FAP: variants seen among roughly 807,000 people sequenced by gnomAD.
The protein encoded by FAP is fibroblast activation protein alpha.
In FAP, 110 loss-of-function variants were observed where a neutral mutation model predicts 126.5. The observed-to-expected ratio is 0.87, with a 90% CI of 0.74 to 1.02. The LOEUF is 1.02. Among genes scored for constraint, FAP ranks in the 50% least tolerant of loss-of-function variants. FAP has a pLI of 0.00. For missense variants in FAP, 919 were observed against 909.2 expected (o/e 1.01, Z -0.14); for synonymous variants, 334 against 297.3 (o/e 1.12, Z -1.27).
chr2:162,180,908 G>A (rs933133196), intron 21 of FAP, among the ~76,000 whole-genome samples: 3 of 152,058 alleles, frequency 2.0e-5, no homozygotes, highest in African/African-American at 7.2e-5. Context: ...GACACCACAA[G>A]GGTTTGCCGA....
Position 162,194,709 on chromosome 2 carries a change from G to C in FAP, c.1442C>G (p.Thr481Ser). 6.2e-7 allele frequency: 1 copy of C among 1,613,580 alleles called. No homozygotes were observed. The highest frequency in any genetic ancestry group is 8.5e-7 in the Non-Finnish European group (1 of 1,179,614). The change falls in exon 17 of 26, where the codon ACT (threonine) becomes AGT (serine). Residue 481 changes from threonine to serine, a missense_variant. By Grantham distance (58) the Thr-to-Ser change is moderately conservative. Coordinates refer to ENST00000188790, the MANE Select transcript of FAP (RefSeq NM_004460.5). ...IPISTLHDGR[T>S]DQEIKILEEN... is the part of the protein sequence containing the mutation. ...CATGCAAGAGAGAGTACCTTGATCAGTGCGTCCATCATGAAGGGTGGAAAT... is the reference window on the plus strand; with the variant it reads ...CATGCAAGAGAGAGTACCTTGATCACTGCGTCCATCATGAAGGGTGGAAAT...
In FAP at chr2:162,198,764, G is replaced by A; in HGVS notation, c.1395C>T (p.Val465=). The A allele has an allele frequency of 6.2e-7, 1 of 1,614,104 alleles. No homozygotes were observed. The highest frequency in any genetic ancestry group is 8.5e-7 in the Non-Finnish European group (1 of 1,179,952). Residue 465 remains valine (V), a synonymous_variant, in exon 16 of 26, where the codon GTC becomes GTT. Transcript: ENST00000188790. ...FSDYAKYYAL[V]CYGPGIPIST... is the part of the protein sequence containing the mutation. The stretch of plus-strand genomic sequence containing the variant: ...GTGAGGTCCGTTACCTACCGTAGCA[G>A]ACAAGTGCATAGTACTTGGCGTAGT...
At chr2:162,214,642 G>A (rs931051889) in intron 10 of FAP, among the ~76,000 whole-genome samples, 1 of 150,292 alleles carries the variant, frequency 6.7e-6, no homozygotes, top group Admixed American at 6.7e-5. Context: ...ATGATTCCAT[G>A]ACTCTGAGCA....
chr2:162,220,771 C>A (rs550782799), intron 6 of FAP, among the ~76,000 whole-genome samples: 16 of 152,296 alleles, frequency 1.1e-4, no homozygotes, highest in Non-Finnish European at 2.1e-4. Context: ...TGCATTCAGA[C>A]TTTTATAAGT....
chr2:162,239,384 C>T (rs915352395), intron 2 of FAP, among the ~76,000 whole-genome samples: 5 of 152,136 alleles, frequency 3.3e-5, no homozygotes, highest in African/African-American at 1.2e-4. Context: ...CATTCCTCCA[C>T]CCTTCAGCTT....
At chr2:162,180,113 T>G (rs894107832) in intron 21 of FAP, among the ~76,000 whole-genome samples, 1 of 152,010 alleles carries the variant, frequency 6.6e-6, no homozygotes, top group Non-Finnish European at 1.5e-5. Context: ...GGCCATAATT[T>G]AAATTACTTA....
chr2:162,189,161 T>G lies in FAP; in HGVS notation c.1561A>C (p.Lys521Gln). The G allele has an allele frequency of 6.2e-7, 1 of 1,600,146 alleles. No individual in the cohort carries two copies. Among genetic ancestry groups the G allele is most frequent in the East Asian group, 2.3e-5 (1 of 44,344 alleles). Residue 521 changes from lysine to glutamine, a missense_variant, in exon 19 of 26, where the codon AAG becomes CAG. By Grantham distance (53) the Lys-to-Gln change is moderately conservative. Transcript: ENST00000188790. ...LEVDEITLWY[K>Q]MILPPQFDRS... ...TCAAATTGAGGAGGAAGAATCATCT[T>G]GTACCATAAAGCTTTGAGGAAAAAA...
chr2:162,219,753 AT>A lies in FAP; in HGVS notation c.486+99del, dbSNP rs564423425. 1,160 of 784,028 alleles carry A rather than the reference AT, an allele frequency of 1.5e-3. 10 individuals carry two copies. The African/African-American group carries it at 0.016, about 11-fold the overall frequency. 48.6% of individuals were successfully genotyped at this position (784,028 alleles called of 1,614,324 possible). Reference sequence around the variant, plus strand: ...TAACCACTAAAATAGTCATGAATGTATTTTTTTTTCTTTCAGGCAGGGAAAT... The same window carrying A: ...TAACCACTAAAATAGTCATGAATGTATTTTTTTTCTTTCAGGCAGGGAAAT... On this transcript the variant is annotated intron_variant, in intron 7 of 25. Coordinates refer to ENST00000188790, the MANE Select transcript of FAP (RefSeq NM_004460.5).
At chr2:162,215,183 T>C (rs1213460077) in intron 10 of FAP, among the ~76,000 whole-genome samples, 1 of 152,218 alleles carries the variant, frequency 6.6e-6, no homozygotes, top group Non-Finnish European at 1.5e-5. Flanking sequence ...TTTTCCCTAT[T>C]AGTGATCAGT....
At chr2:162,195,565 G>A (rs974067781) in intron 16 of FAP, among the ~76,000 whole-genome samples, 20 of 151,982 alleles carry the variant, frequency 1.3e-4, no homozygotes, top group Non-Finnish European at 2.4e-4. Flanking sequence ...TAAGTTGTCA[G>A]CCACTAGCAC....
intron 21 of FAP, among the ~76,000 whole-genome samples, chr2:162,178,326 T>C (rs1486813449): frequency 6.6e-6 from 1 of 152,190 alleles, no homozygotes; most frequent in Non-Finnish European, 1.5e-5. Context: ...ATAATTGTGT[T>C]GAGTTTTCAT....
chr2:162,195,513 C>G (rs1009322047), intron 16 of FAP, among the ~76,000 whole-genome samples: 3 of 151,550 alleles, frequency 2.0e-5, no homozygotes, highest in Non-Finnish European at 4.4e-5. Flanking sequence ...CTTCTCTTCT[C>G]CCGGGTTGGG....
At chr2:162,195,863 C>T (rs182548818) in intron 16 of FAP, among the ~76,000 whole-genome samples, 4 of 152,032 alleles carry the variant, frequency 2.6e-5, no homozygotes, top group African/African-American at 9.6e-5. Context: ...GCCACCCCAC[C>T]CCCCCCAGAT....
At chr2:162,176,471 C>CTTTTATATGTATATA (rs1426809579) in intron 21 of FAP, 1 of 152,062 alleles carries the variant, frequency 6.6e-6, no homozygotes, top group African/African-American at 2.4e-5. Flanking sequence ...ATTTTAAAAA[C>CTTTTATATGTATATA]AGAAGATACA....
chr2:162,188,906 C>T (rs1247759905), intron 19 of FAP, among the ~76,000 whole-genome samples, 197 bp downstream of exon 19: 1 of 151,970 alleles, frequency 6.6e-6, no homozygotes, highest in East Asian at 1.9e-4. Flanking sequence ...GCAAGCAAGT[C>T]CAGCTAAAAT....
intron 15 of FAP, among the ~76,000 whole-genome samples, chr2:162,199,674 T>C (rs1482977979): frequency 6.6e-6 from 1 of 152,206 alleles, no homozygotes; most frequent in Non-Finnish European, 1.5e-5. Context: ...TGCCAACCTG[T>C]GAGTTTCTTC....
chr2:162,177,379 G>A (rs1316370718), intron 21 of FAP, among the ~76,000 whole-genome samples: 1 of 152,028 alleles, frequency 6.6e-6, no homozygotes, highest in East Asian at 1.9e-4. Context: ...GGCCTTTATG[G>A]TCTCACACAA....
At position 162,235,486 on chromosome 2, in the gene FAP, C is replaced by G. The variant is rs547294470; in HGVS notation, c.91+7422G>C. Among the ~76,000 whole-genome samples, 190 of 152,122 alleles carry G rather than the reference C, an allele frequency of 1.2e-3. 1 individual carries two copies. The highest frequency in any genetic ancestry group is 1.8e-3 in the Non-Finnish European group (123 of 68,024). ...GGTTTGTGAACACACCAATCAGCAC[C>G]CTGTGTCTAGCTCAGGGTTTGTAAA... On this transcript the variant is annotated intron_variant, in intron 2 of 25. Transcript: ENST00000188790.
intron 16 of FAP, among the ~76,000 whole-genome samples, chr2:162,195,725 A>G (rs1350228519): frequency 6.6e-6 from 1 of 152,208 alleles, no homozygotes; most frequent in Non-Finnish European, 1.5e-5. Flanking sequence ...CAAATAATTA[A>G]AAACAAATTA....
Sources: gnomAD v4.1 joint callset for allele counts (sites outside exome capture counted in the v4.1 genomes callset) on GRCh38, gnomAD v4.1.1 for gene constraint, MANE v1.5 for transcripts, NCBI Gene and HGNC (gene_info 2026-07-23, HGNC 2026-07-21) for gene names.